Variants in NTN1 observed in about 807,000 individuals in gnomAD.
NTN1 encodes the protein netrin-1.
NTN1 carries 11 observed loss-of-function variants against 54.2 expected under a neutral mutation model. That is an observed-to-expected ratio of 0.20 (90% CI 0.13 to 0.34). The LOEUF is 0.34. Ranked by LOEUF, NTN1 falls within the 10% of genes least tolerant of loss-of-function variation. The probability of loss-of-function intolerance (pLI) is 1.00; values close to 1 mark genes in which losing one functional copy is unlikely to be tolerated. For missense variants in NTN1, 740 were observed against 893.1 expected, an observed-to-expected ratio of 0.83 and a Z score of 2.18; for synonymous variants, 371 against 382.0, an observed-to-expected ratio of 0.97 and a Z score of 0.33.
intron 2 of NTN1, among the ~76,000 whole-genome samples, chr17:9,161,871 G>T (rs2315287): frequency 6.6e-6 from 1 of 151,770 alleles, no homozygotes; most frequent in Non-Finnish European, 1.5e-5. Context: ...GGAACCTGAG[G>T]GCAGGATGGT....
At chr17:9,011,673 T>G in the NTN1 span, among the ~76,000 whole-genome samples, 1 of 152,198 alleles carries the variant, frequency 6.6e-6, no homozygotes, top group Non-Finnish European at 1.5e-5. Context: ...CACTGCAACC[T>G]CTGCCTCCCA....
In NTN1 at chr17:9,100,927, T is replaced by C. The variant is rs1597487753; in HGVS notation, c.1019-61886T>C. 2.0e-5 allele frequency among the ~76,000 whole-genome samples: 3 copies of C among 152,182 alleles called. No homozygotes were observed. The South Asian group carries it at 6.2e-4, about 32-fold the overall frequency. ...ACCTCTTTGTTTTAGTTCATGCTGT[T>C]CCTCCCTTCCTGGAGGGCCTTCCCT... On this transcript the variant is annotated intron_variant, in intron 2 of 6. Transcript: ENST00000173229.
At chr17:9,124,439 C>G (rs773012726) in intron 2 of NTN1, among the ~76,000 whole-genome samples, 15 of 152,218 alleles carry the variant, frequency 9.9e-5, no homozygotes, top group Non-Finnish European at 2.2e-4. Context: ...GGGTGGGAAG[C>G]CGGCTGGGTG....
upstream of NTN1, among the ~76,000 whole-genome samples, chr17:9,018,809 G>A (rs1400887905): frequency 1.3e-5 from 2 of 151,992 alleles, no homozygotes; most frequent in African/African-American, 2.4e-5. Flanking sequence ...GTTTTGATGC[G>A]ATGCCATCAG....
At chr17:9,160,877 A>G (rs1374953258) in intron 2 of NTN1, among the ~76,000 whole-genome samples, 2 of 152,124 alleles carry the variant, frequency 1.3e-5, no homozygotes, top group Non-Finnish European at 2.9e-5. Context: ...GGATCTGACA[A>G]GCCCAGGAGA....
rs773920175 is a variant in NTN1, at chr17:9,243,537, A to T, written c.*3569A>T. 12 of 152,226 alleles carry T rather than the reference A, an allele frequency of 7.9e-5. No individual in the cohort carries two copies. Among genetic ancestry groups the T allele is most frequent in the Non-Finnish European group, 1.6e-4 (11 of 68,042 alleles). 9.4% of individuals were successfully genotyped at this position (152,226 alleles called of 1,614,324 possible). ...ACAGACTAGACCCATTGATGGGGCC[A>T]CTGGCCATGGTCCGTGGACAAGACA... On this transcript the variant is annotated 3_prime_UTR_variant, in exon 7 of 7. Coordinates refer to ENST00000173229, the MANE Select transcript of NTN1 (RefSeq NM_004822.3).
intron 2 of NTN1, among the ~76,000 whole-genome samples, chr17:9,033,219 G>T (rs1434476154): frequency 6.6e-6 from 1 of 152,096 alleles, no homozygotes; most frequent in African/African-American, 2.4e-5. Flanking sequence ...CTCCAAAAGT[G>T]CTGGGATTAT....
rs768669486 is a variant in NTN1, at chr17:9,179,964, T to G, written c.1357+8T>G. On this transcript the variant is annotated splice_region_variant and intron_variant, in intron 4 of 6. Coordinates refer to ENST00000173229, the MANE Select transcript of NTN1 (RefSeq NM_004822.3). ...CCATCGCCCCCTGCATAAGTATGTG[T>G]GGGGCACCCTGCTTTTCAAGTCTCT... 1.1e-5 allele frequency: 18 copies of G among 1,608,606 alleles called. No homozygotes were observed. The highest frequency in any genetic ancestry group is 1.4e-5 in the Non-Finnish European group (17 of 1,177,656).
chr17:9,101,660 C>T lies in NTN1; in HGVS notation c.1019-61153C>T, dbSNP rs551787010. Among the ~76,000 whole-genome samples the T allele has an allele frequency of 1.8e-4, 27 of 152,316 alleles. No individual in the cohort carries two copies. The South Asian group carries it at 5.6e-3, about 32-fold the overall frequency. On this transcript the variant is annotated intron_variant, in intron 2 of 6. Coordinates refer to ENST00000173229, the MANE Select transcript of NTN1 (RefSeq NM_004822.3). ...ACACAGCACAAGCCAGGATTTCTTC[C>T]TAATCCCTGCCTTGCCTTCTTATTG...
rs1906241841 is a variant in NTN1 at position 9,242,351 on chromosome 17, T to G, written c.*2383T>G. The G allele has an allele frequency of 6.6e-6, 1 of 152,258 alleles. No homozygotes were observed. Among genetic ancestry groups the G allele is most frequent in the Non-Finnish European group, 1.5e-5 (1 of 68,082 alleles). The allele number at this position is 152,258 out of a possible 1,614,324, so 9.4% of individuals were successfully genotyped here. A position where few individuals can be genotyped will look rare whatever the true frequency, so the allele number is the denominator to read the frequency against. Reference sequence around the variant, plus strand: ...GTCAGCGCCCCTCGGATGCCCAGTGTGGTGTGCTGGGCGCCATCAGCATCA... The same window carrying G: ...GTCAGCGCCCCTCGGATGCCCAGTGGGGTGTGCTGGGCGCCATCAGCATCA... On this transcript the variant is annotated 3_prime_UTR_variant, in exon 7 of 7. Transcript: ENST00000173229.
chr17:9,231,315 C>T (rs1408448853), intron 6 of NTN1, among the ~76,000 whole-genome samples: 18 of 152,136 alleles, frequency 1.2e-4, no homozygotes, highest in Admixed American at 1.1e-3. Context: ...CCCCAGCCTC[C>T]CAAGTAGTCT....
At position 9,242,410 on chromosome 17, in the gene NTN1, TTCTG is replaced by T. The variant is rs1197689558; in HGVS notation, c.*2446_*2449del. ...TACGCTGCTGGGGCGGTTGTCCTAT[TTCTG>T]TCTATGCCAGTGTGGTTTCTTCACC... is the stretch of plus-strand genomic sequence containing the variant. On this transcript the variant is annotated 3_prime_UTR_variant, in exon 7 of 7. Coordinates refer to ENST00000173229, the MANE Select transcript of NTN1 (RefSeq NM_004822.3). 3 of 152,298 alleles carry T rather than the reference TTCTG, an allele frequency of 2.0e-5. No homozygotes were observed. Among genetic ancestry groups the T allele is most frequent in the Admixed American group, 2.0e-4 (3 of 15,286 alleles). The allele number at this position is 152,298 out of a possible 1,614,324, so 9.4% of individuals were successfully genotyped here.
At chr17:9,094,837 A>C (rs778093880) in intron 2 of NTN1, among the ~76,000 whole-genome samples, 11 of 152,182 alleles carry the variant, frequency 7.2e-5, no homozygotes, top group Non-Finnish European at 1.6e-4. Flanking sequence ...ACAAATACAA[A>C]AATTAGCCAG....
rs370663438 is a variant in NTN1 at position 9,232,779 on chromosome 17, C to T, written c.1487-6861C>T. On this transcript the variant is annotated intron_variant, in intron 6 of 6. Coordinates refer to ENST00000173229, the MANE Select transcript of NTN1 (RefSeq NM_004822.3). ...TGGCGGCCCCCTCTCCCACACTCCCCGGCAAGGAGTCAGGAGAGGGCAGAT... is the reference window on the plus strand; with the variant it reads ...TGGCGGCCCCCTCTCCCACACTCCCTGGCAAGGAGTCAGGAGAGGGCAGAT... Among the ~76,000 whole-genome samples, 295 of 152,222 alleles carry T rather than the reference C, an allele frequency of 1.9e-3. 9 individuals are homozygous for T. Among genetic ancestry groups the T allele is most frequent in the African/African-American group, 6.7e-3 (277 of 41,474 alleles).
chr17:9,088,842 G>A (rs1480900055), intron 2 of NTN1, among the ~76,000 whole-genome samples: 2 of 152,134 alleles, frequency 1.3e-5, no homozygotes, highest in African/African-American at 2.4e-5. Context: ...TTCCAAATAC[G>A]GAGAAACAAC....
chr17:9,133,508 G>A (rs2142272539), intron 2 of NTN1, among the ~76,000 whole-genome samples: 1 of 152,300 alleles, frequency 6.6e-6, no homozygotes, highest in Middle Eastern at 3.4e-3. Context: ...GGGAGCCAGG[G>A]CGCATGCTTA....
chr17:9,137,507 C>T (rs554611196), intron 2 of NTN1, among the ~76,000 whole-genome samples: 40 of 152,216 alleles, frequency 2.6e-4, no homozygotes, highest in African/African-American at 8.9e-4. Context: ...AAGAGTTGAC[C>T]GGCGGCCTGG....
intron 6 of NTN1, among the ~76,000 whole-genome samples, chr17:9,222,555 T>A (rs1200835011): frequency 4.6e-5 from 7 of 152,034 alleles, no homozygotes; most frequent in Non-Finnish European, 7.4e-5. Context: ...CAGCAAACAG[T>A]GACCTCTGCG....
chr17:9,099,418 A>G (rs968616250), intron 2 of NTN1, among the ~76,000 whole-genome samples: 1 of 152,184 alleles, frequency 6.6e-6, no homozygotes, highest in African/African-American at 2.4e-5. Flanking sequence ...ACAAAAAAAA[A>G]TCTCATTGAC....
Sources: allele counts gnomAD v4.1 joint callset (sites outside exome capture counted in the v4.1 genomes callset), GRCh38; gene constraint gnomAD v4.1.1; transcripts MANE v1.5; gene names NCBI Gene and HGNC (gene_info 2026-07-23, HGNC 2026-07-21).